The following KIAA1958 variants were observed in gnomAD, a reference collection of about 807,000 sequenced individuals.
KIAA1958 encodes the protein uncharacterized protein KIAA1958.
In KIAA1958, 14 loss-of-function variants were observed where a neutral mutation model predicts 47.2. The observed-to-expected ratio is 0.30, with a 90% confidence interval of 0.20 to 0.46. KIAA1958 has a LOEUF of 0.46. Ranked by LOEUF, KIAA1958 falls within the 20% of genes least tolerant of loss-of-function variation. The pLI is 1.00. For synonymous variants in KIAA1958, 354 were observed against 353.3 expected (o/e 1.00, Z -0.02); for missense variants, 803 against 909.2 (o/e 0.88, Z 1.50).
intron 1 of KIAA1958, among the ~76,000 whole-genome samples, chr9:112,487,778 A>G (rs1833888524): frequency 6.6e-6 from 1 of 151,916 alleles, no homozygotes; most frequent in Non-Finnish European, 1.5e-5. Context: ...ATATCGAGAA[A>G]TGTATTCCCC....
At chr9:112,536,871 AAAT>A (rs1239747288) in intron 1 of KIAA1958, among the ~76,000 whole-genome samples, 1 of 152,222 alleles carries the variant, frequency 6.6e-6, no homozygotes, top group Non-Finnish European at 1.5e-5. Context: ...TGAAGATAAA[AAAT>A]AATAATAAAG....
At chr9:112,524,881 C>T (rs957179505) in intron 1 of KIAA1958, among the ~76,000 whole-genome samples, 1 of 152,182 alleles carries the variant, frequency 6.6e-6, no homozygotes, top group South Asian at 2.1e-4. Flanking sequence ...AGGCTTATCA[C>T]TATGGTAAAC....
chr9:112,638,276 A>G (rs2131236794), intron 2 of KIAA1958, among the ~76,000 whole-genome samples: 1 of 152,312 alleles, frequency 6.6e-6, no homozygotes, highest in African/African-American at 2.4e-5. Flanking sequence ...AGGCTGAGGC[A>G]GGCAAATCGG....
At position 112,611,036 on chromosome 9, in the gene KIAA1958, G is replaced by A. The variant is rs533245197; in HGVS notation, c.1172-34614G>A. ...ATTTAACATGAATTTTTTAAGAAATGCCTTATTAAAATATGAATAGGAAAT... is the reference window on the plus strand; with the variant it reads ...ATTTAACATGAATTTTTTAAGAAATACCTTATTAAAATATGAATAGGAAAT... On this transcript the variant is annotated intron_variant, in intron 2 of 3. Transcript: ENST00000337530. Among the ~76,000 whole-genome samples, 388 of 152,188 alleles carry A rather than the reference G, an allele frequency of 2.5e-3. 5 individuals carry two copies. Among genetic ancestry groups the A allele is most frequent in the African/African-American group, 8.9e-3 (369 of 41,556 alleles).
intron 2 of KIAA1958, among the ~76,000 whole-genome samples, chr9:112,643,879 C>A (rs193133116): frequency 6.6e-6 from 1 of 151,974 alleles, no homozygotes; most frequent in Admixed American, 6.6e-5. Flanking sequence ...TTTTGATTGG[C>A]GCAAAGACCA....
At chr9:112,556,438 C>T (rs1364273242) in intron 1 of KIAA1958, among the ~76,000 whole-genome samples, 1 of 152,218 alleles carries the variant, frequency 6.6e-6, no homozygotes, top group Non-Finnish European at 1.5e-5. Flanking sequence ...ACAAGCTTTG[C>T]TCTCCACTTT....
chr9:112,639,118 G>T (rs923614382), intron 2 of KIAA1958, among the ~76,000 whole-genome samples: 5 of 152,156 alleles, frequency 3.3e-5, no homozygotes, highest in African/African-American at 1.2e-4. Flanking sequence ...TCAAAATTAG[G>T]AAATTAACCC....
chr9:112,628,578 T>C (rs890686035), intron 2 of KIAA1958, among the ~76,000 whole-genome samples: 7 of 152,214 alleles, frequency 4.6e-5, no homozygotes, highest in Non-Finnish European at 7.4e-5. Context: ...GGCAGAGCCT[T>C]TGTACCAAGA....
chr9:112,544,409 G>T (rs145278229), intron 1 of KIAA1958, among the ~76,000 whole-genome samples: 2,249 of 152,312 alleles, frequency 0.015, 26 homozygotes, highest in Middle Eastern at 0.044. Flanking sequence ...TTTAAATTCA[G>T]TGGGAATAGG....
chr9:112,592,850 A>G (rs950586582), intron 2 of KIAA1958, among the ~76,000 whole-genome samples: 2 of 152,244 alleles, frequency 1.3e-5, no homozygotes, highest in African/African-American at 2.4e-5. Context: ...ACAACGGAAT[A>G]CCATGTGGTA....
intron 1 of KIAA1958, among the ~76,000 whole-genome samples, chr9:112,564,341 T>C (rs1835390430): frequency 6.6e-6 from 1 of 152,168 alleles, no homozygotes; most frequent in African/African-American, 2.4e-5. Flanking sequence ...TCTTTTTGTG[T>C]CAATTTTGTC....
In KIAA1958 at chr9:112,507,846, T is replaced by C. The variant is rs115515224; in HGVS notation, c.-25+20728T>C. 9.7e-3 allele frequency among the ~76,000 whole-genome samples: 1,479 copies of C among 152,104 alleles called. 16 individuals carry two copies. The highest frequency in any genetic ancestry group is 0.034 in the African/African-American group (1,401 of 41,488). ...TGAGGTTTCACTATATTTCCTAGGC[T>C]GGTCTTGACTTCCTGGGCTCAAGCA... On this transcript the variant is annotated intron_variant, in intron 1 of 3. Coordinates refer to ENST00000337530, the MANE Select transcript of KIAA1958 (RefSeq NM_133465.4).
chr9:112,575,248 C>G lies in KIAA1958; in HGVS notation c.1168C>G (p.Pro390Ala), dbSNP rs769126386. 3 of 1,516,886 alleles carry G rather than the reference C, an allele frequency of 2.0e-6. No homozygotes were observed. The highest frequency in any genetic ancestry group is 8.8e-7 in the Non-Finnish European group (1 of 1,138,272). 94.0% of individuals were successfully genotyped at this position (1,516,886 alleles called of 1,614,324 possible). A position where few individuals can be genotyped will look rare whatever the true frequency, so the allele number is the denominator to read the frequency against. ...ITTEATAQCI[P>A]AYSTKLNKFP... is the part of the protein sequence containing the mutation. ...CACTGAGGCCACAGCACAGTGCATA[C>G]CAGGTATGGCACATGAGGCGACAGT... The change falls in exon 2 of 4, where the codon CCA becomes GCA. Residue 390 changes from proline to alanine, a missense_variant. By Grantham distance (27) the Pro-to-Ala change is conservative. Around this residue, in one of 2 missense-constraint regions of KIAA1958, gnomAD observed 761 missense variants for 829.3 expected, o/e 0.92. Coordinates refer to ENST00000337530, the MANE Select transcript of KIAA1958 (RefSeq NM_133465.4).
intron 2 of KIAA1958, chr9:112,617,752 G>A (rs988944396): frequency 1.1e-5 from 9 of 798,938 alleles, no homozygotes; most frequent in Admixed American, 2.9e-5. Flanking sequence ...AGTGATCTCC[G>A]TAAAACTGAT....
Position 112,662,338 on chromosome 9 carries a change from GA to G in KIAA1958, c.*2273del, listed in dbSNP as rs1837289803. 1 of 152,242 alleles carries G rather than the reference GA, an allele frequency of 6.6e-6. No individual in the cohort carries two copies. Among genetic ancestry groups the G allele is most frequent in the Non-Finnish European group, 1.5e-5 (1 of 68,042 alleles). 9.4% of individuals were successfully genotyped at this position (152,242 alleles called of 1,614,324 possible). A position where few individuals can be genotyped will look rare whatever the true frequency, so the allele number is the denominator to read the frequency against. ...CACCTTGGGAAACAAGAGTGAGGAA[GA>G]AAACACAGTCATCAAGTGCCAGCGT... On this transcript the variant is annotated 3_prime_UTR_variant, in exon 4 of 4. Coordinates refer to ENST00000337530, the MANE Select transcript of KIAA1958 (RefSeq NM_133465.4).
chr9:112,645,333 T>C (rs547356541), intron 2 of KIAA1958, among the ~76,000 whole-genome samples: 1 of 152,346 alleles, frequency 6.6e-6, no homozygotes, highest in South Asian at 2.1e-4. Flanking sequence ...AAATTTTAGA[T>C]AGAACAGTCT....
At chr9:112,581,676 A>T (rs1416865471) in intron 2 of KIAA1958, 1 of 153,424 alleles carries the variant, frequency 6.5e-6, no homozygotes, top group Non-Finnish European at 1.5e-5. Context: ...CAGATATAGG[A>T]AGTCATACAC....
intron 2 of KIAA1958, among the ~76,000 whole-genome samples, chr9:112,645,213 T>A (rs994327546): frequency 6.6e-6 from 1 of 152,174 alleles, no homozygotes; most frequent in Admixed American, 6.6e-5. Flanking sequence ...AAAATGTAAA[T>A]TACAAATAAA....
At chr9:112,552,822 CAGCTGTGTACAATTCAAGTCGGCATGG>C (rs1835175054) in intron 1 of KIAA1958, among the ~76,000 whole-genome samples, 2 of 152,116 alleles carry the variant, frequency 1.3e-5, no homozygotes, top group Non-Finnish European at 2.9e-5. Flanking sequence ...AGTTGGCATG[CAGCTGTGTACAATTCAAGTCGGCATGG>C]AGCTGTGTAC....
Sources: allele counts gnomAD v4.1 joint callset (sites outside exome capture counted in the v4.1 genomes callset), GRCh38; gene constraint gnomAD v4.1.1; regional missense constraint gnomAD v4.1.1; transcripts MANE v1.5; gene names NCBI Gene and HGNC (gene_info 2026-07-23, HGNC 2026-07-21).